The following SLC24A3 variants were observed in gnomAD, a reference collection of about 807,000 sequenced individuals.
SLC24A3 encodes the protein solute carrier family 24 member 3, also known as sodium/potassium/calcium exchanger 3.
Under a neutral mutation model 75.8 loss-of-function variants are expected in SLC24A3, and 28 were observed. That is an observed-to-expected ratio of 0.37 (90% CI 0.27 to 0.51). The LOEUF (loss-of-function observed/expected upper bound fraction) is 0.51. Among genes scored for constraint, SLC24A3 ranks in the 20% least tolerant of loss-of-function variants. The pLI is 0.94. For missense variants in SLC24A3, 663 were observed against 847.8 expected (o/e 0.78, Z 2.71); for synonymous variants, 372 against 334.1 (o/e 1.11, Z -1.24).
chr20:19,440,756 A>G (rs1043824513), intron 2 of SLC24A3, among the ~76,000 whole-genome samples: 4 of 151,688 alleles, frequency 2.6e-5, no homozygotes, highest in African/African-American at 9.7e-5. Context: ...GTGTCAGCAG[A>G]GGAAGAAGAA....
intron 2 of SLC24A3, among the ~76,000 whole-genome samples, chr20:19,512,010 G>A (rs770359389): frequency 5.9e-5 from 9 of 152,136 alleles, no homozygotes; most frequent in Non-Finnish European, 8.8e-5. Context: ...CATTCAACTC[G>A]GTGAGGAGGC....
chr20:19,447,999 C>G lies in SLC24A3; in HGVS notation c.272-67489C>G, dbSNP rs919898392. Among the ~76,000 whole-genome samples the G allele has an allele frequency of 3.3e-5, 5 of 152,228 alleles. No individual in the cohort carries two copies. The East Asian group carries it at 5.8e-4, about 18-fold the overall frequency. On this transcript the variant is annotated intron_variant, in intron 2 of 16. Transcript: ENST00000328041. ...GGTCCCTCTGACCCCAGACTTTCAT[C>G]GTTTCATGAACAAAATGAGCTCGCT...
chr20:19,404,928 G>A (rs1050422817), intron 2 of SLC24A3, among the ~76,000 whole-genome samples: 7 of 152,022 alleles, frequency 4.6e-5, no homozygotes, highest in African/African-American at 1.7e-4. Context: ...ATTTTTAAAA[G>A]GCCAGTCAGT....
chr20:19,476,306 A>T (rs1247297767), intron 2 of SLC24A3, among the ~76,000 whole-genome samples: 1 of 152,220 alleles, frequency 6.6e-6, no homozygotes, highest in Non-Finnish European at 1.5e-5. Context: ...AAACAGAAGT[A>T]AGGCCATCCC....
intron 2 of SLC24A3, among the ~76,000 whole-genome samples, chr20:19,456,734 C>G (rs942072129): frequency 1.3e-5 from 2 of 152,226 alleles, no homozygotes; most frequent in Admixed American, 1.3e-4. Flanking sequence ...GAATCCCAAA[C>G]CCTAGTCATT....
At chr20:19,457,743 G>C (rs2122490765) in intron 2 of SLC24A3, among the ~76,000 whole-genome samples, 1 of 152,288 alleles carries the variant, frequency 6.6e-6, no homozygotes. Context: ...ACATTCCCTG[G>C]ATCTGTGGTT....
intron 15 of SLC24A3, among the ~76,000 whole-genome samples, chr20:19,710,733 A>G (rs1408333245): frequency 6.6e-6 from 1 of 152,206 alleles, no homozygotes; most frequent in Non-Finnish European, 1.5e-5. Flanking sequence ...GCCTCAAGAA[A>G]GTGTTTTACT....
chr20:19,684,965 C>A lies in SLC24A3; in HGVS notation c.1063-135C>A. 3 of 1,068,028 alleles carry A rather than the reference C, an allele frequency of 2.8e-6. No individual in the cohort carries two copies. The East Asian group carries it at 7.5e-5, about 27-fold the overall frequency. 66.2% of individuals were successfully genotyped at this position (1,068,028 alleles called of 1,614,324 possible). Reference sequence around the variant, plus strand: ...GAGTTGGTTATCACATTGAGAGGCCCCTTAAAACTTGACTCCAGGGTCTTC... The same window carrying A: ...GAGTTGGTTATCACATTGAGAGGCCACTTAAAACTTGACTCCAGGGTCTTC... On this transcript the variant is annotated intron_variant, in intron 11 of 16. Transcript: ENST00000328041.
At chr20:19,392,217 C>A (rs1465818216) in intron 2 of SLC24A3, among the ~76,000 whole-genome samples, 1 of 152,130 alleles carries the variant, frequency 6.6e-6, no homozygotes, top group African/African-American at 2.4e-5. Flanking sequence ...GGTAAACAAA[C>A]AACAGTTACA....
intron 2 of SLC24A3, among the ~76,000 whole-genome samples, chr20:19,500,863 G>A (rs1362626052): frequency 6.6e-6 from 1 of 152,180 alleles, no homozygotes; most frequent in Non-Finnish European, 1.5e-5. Flanking sequence ...TTTGACTCAA[G>A]TGGGCCTGAA....
At chr20:19,512,939 A>G (rs916628266) in intron 2 of SLC24A3, among the ~76,000 whole-genome samples, 44 of 152,308 alleles carry the variant, frequency 2.9e-4, no homozygotes, top group African/African-American at 1.0e-3. Flanking sequence ...CCCAGGGCAT[A>G]TGACTGGCTT....
rs943102386 is a variant in SLC24A3 at position 19,494,546 on chromosome 20, C to G, written c.272-20942C>G. ...AGATTTGGGGGAAGGAAATACTACCCCATTTTAATGATTGCAAAGATGTTT... is the reference window on the plus strand; with the variant it reads ...AGATTTGGGGGAAGGAAATACTACCGCATTTTAATGATTGCAAAGATGTTT... On this transcript the variant is annotated intron_variant, in intron 2 of 16. Transcript: ENST00000328041. Among the ~76,000 whole-genome samples, 6 of 152,138 alleles carry G rather than the reference C, an allele frequency of 3.9e-5. No homozygotes were observed. In the East Asian group the frequency reaches 9.6e-4, roughly 24 times the overall value.
At chr20:19,264,883 C>T (rs951319738) in intron 1 of SLC24A3, among the ~76,000 whole-genome samples, 2 of 152,152 alleles carry the variant, frequency 1.3e-5, no homozygotes, top group African/African-American at 4.8e-5. Flanking sequence ...GTCTGAGCTT[C>T]CAGAGGGATC....
At chr20:19,646,744 G>GA (rs1406804552) in intron 6 of SLC24A3, among the ~76,000 whole-genome samples, 3 of 152,060 alleles carry the variant, frequency 2.0e-5, no homozygotes, top group Non-Finnish European at 2.9e-5. Flanking sequence ...ACCTCCAGGG[G>GA]AACACTACTC....
At chr20:19,259,203 G>A (rs184497134) in intron 1 of SLC24A3, among the ~76,000 whole-genome samples, 85 of 152,316 alleles carry the variant, frequency 5.6e-4, no homozygotes, top group South Asian at 4.1e-3. Flanking sequence ...TCACACTGCA[G>A]GTCTAAGAGG....
rs374349280 is a variant in SLC24A3, at chr20:19,249,813, G to A, written c.143-31146G>A. On this transcript the variant is annotated intron_variant, in intron 1 of 16. Transcript: ENST00000328041. ...ATTTGCGGACTGAAGCATTAGGGGC[G>A]AAATTTACACTTTTAGCAATTACAG... Among the ~76,000 whole-genome samples the A allele has an allele frequency of 2.3e-3, 355 of 152,290 alleles. 9 individuals carry two copies. In the South Asian group the frequency reaches 0.058, roughly 25 times the overall value.
intron 2 of SLC24A3, among the ~76,000 whole-genome samples, chr20:19,508,268 C>T (rs1988488502): frequency 6.6e-6 from 1 of 152,136 alleles, no homozygotes; most frequent in African/African-American, 2.4e-5. Flanking sequence ...AGACTGCCAT[C>T]CTTCGGTGCA....
chr20:19,510,088 C>T (rs1286490383), intron 2 of SLC24A3, among the ~76,000 whole-genome samples: 1 of 152,218 alleles, frequency 6.6e-6, no homozygotes, highest in East Asian at 1.9e-4. Context: ...AGATCAATGA[C>T]AATCCTTATG....
intron 2 of SLC24A3, among the ~76,000 whole-genome samples, chr20:19,327,074 G>A (rs79818187): frequency 0.074 from 11,289 of 152,050 alleles, 1,350 homozygotes; most frequent in African/African-American, 0.26. Flanking sequence ...TTAAAAAAAC[G>A]TACTAATATT....
Sources: allele counts gnomAD v4.1 joint callset (sites outside exome capture counted in the v4.1 genomes callset), GRCh38; gene constraint gnomAD v4.1.1; transcripts MANE v1.5; gene names NCBI Gene and HGNC (gene_info 2026-07-23, HGNC 2026-07-21).